The following SIVA1 variants were observed in gnomAD, a reference collection of about 807,000 sequenced individuals.
SIVA1 encodes apoptosis regulatory protein Siva.
A neutral mutation model predicts 19.7 loss-of-function variants in SIVA1; 10 were observed. That is an observed-to-expected ratio of 0.51 (90% CI 0.31 to 0.86). SIVA1 has a LOEUF of 0.86. SIVA1 is among the 40% of genes least tolerant of loss of function. SIVA1 has a pLI of 0.04. For synonymous variants in SIVA1, 130 were observed against 106.1 expected, an observed-to-expected ratio of 1.23 and a Z score of -1.39; for missense variants, 241 against 245.2, an observed-to-expected ratio of 0.98 and a Z score of 0.11.
At chr14:104,755,547 G>T in intron 1 of SIVA1, 83 bp from the exon 2 acceptor site, 1 of 1,237,414 alleles carries the variant, frequency 8.1e-7, no homozygotes, top group Non-Finnish European at 1.2e-6. Context: ...TGGGGTTCAT[G>T]TGAGGCTAGA....
At position 104,759,349 on chromosome 14, in the gene SIVA1, C is replaced by A; in HGVS notation, c.471-79C>A. On this transcript the variant is annotated intron_variant, in intron 3 of 3. Coordinates refer to ENST00000329967, the MANE Select transcript of SIVA1 (RefSeq NM_006427.4). This position sits in a 1 kb window ranked among gnomAD's most constrained non-coding sequence, Gnocchi z 4.2. ...GAGGTGTTCTGGGTTAGGACTTTGA[C>A]GTTTGAATGGTGGGGGGTGGTGGAC... is the stretch of plus-strand genomic sequence containing the variant. 3.2e-6 allele frequency: 4 copies of A among 1,231,270 alleles called. No homozygotes were observed. Among genetic ancestry groups the A allele is most frequent in the Non-Finnish European group, 4.7e-6 (4 of 854,682 alleles). 76.3% of individuals were successfully genotyped at this position (1,231,270 alleles called of 1,614,324 possible).
intron 1 of SIVA1, chr14:104,753,570 G>C: frequency 3.9e-6 from 2 of 519,044 alleles, no homozygotes; most frequent in Non-Finnish European, 6.9e-6. Context: ...CCTGCCCCTA[G>C]CCCCCGCGCC....
At position 104,759,303 on chromosome 14, in the gene SIVA1, C is replaced by A; in HGVS notation, c.471-125C>A. ...CTGATGATGCCCGCAGTGATCCTGT[C>A]TCCAGATAAGGTCATGTCCTGAGGT... On this transcript the variant is annotated intron_variant, in intron 3 of 3. Coordinates refer to ENST00000329967, the MANE Select transcript of SIVA1 (RefSeq NM_006427.4). The surrounding 1 kb of genome is among the most constrained non-coding windows in gnomAD (Gnocchi z 4.2). The A allele has an allele frequency of 1.4e-6, 1 of 730,202 alleles. No individual in the cohort carries two copies. Among genetic ancestry groups the A allele is most frequent in the Non-Finnish European group, 2.3e-6 (1 of 441,930 alleles). 45.2% of individuals were successfully genotyped at this position (730,202 alleles called of 1,614,324 possible).
rs1321880480 is a variant in SIVA1 at position 104,756,614 on chromosome 14, G to A, written c.324G>A (p.Gly108=). 1.9e-6 allele frequency: 3 copies of A among 1,614,198 alleles called. No homozygotes were observed. Among genetic ancestry groups the A allele is most frequent in the East Asian group, 2.2e-5 (1 of 44,886 alleles). The change falls in exon 3 of 4, where the codon GGG becomes GGA. Residue 108 remains glycine (G), a synonymous_variant. Coordinates refer to ENST00000329967, the MANE Select transcript of SIVA1 (RefSeq NM_006427.4). ...GTTTCTTCCTCACAGACCCATCTGG[G>A]GTAGCGTCCATTGCCTGTTCCTCAT... The part of the protein sequence containing the change: ...LGQASEADPS[G]VASIACSSCV...
chr14:104,753,258 C>T lies in SIVA1; in HGVS notation c.57C>T (p.Arg19=), dbSNP rs1196345333. The T allele has an allele frequency of 2.5e-6, 4 of 1,600,274 alleles. No individual in the cohort carries two copies. In the African/African-American group the frequency reaches 4.1e-5, roughly 16 times the overall value. ...ADVAPLQLKV[R]VSQRELSRGV... The stretch of plus-strand genomic sequence containing the variant: ...TGGCCCCGCTACAGCTCAAGGTCCG[C>T]GTGAGCCAGAGGGAGTTGAGCCGCG... Residue 19 remains arginine (R), a synonymous_variant, in exon 1 of 4, where the codon CGC becomes CGT. Coordinates refer to ENST00000329967, the MANE Select transcript of SIVA1 (RefSeq NM_006427.4).
chr14:104,755,251 C>T (rs1397139170), intron 1 of SIVA1, among the ~76,000 whole-genome samples: 1 of 152,150 alleles, frequency 6.6e-6, no homozygotes, highest in African/African-American at 2.4e-5. Flanking sequence ...GCCTGGTTTC[C>T]AGGTGGGGAG....
chr14:104,756,609 T>A lies in SIVA1; in HGVS notation c.319T>A (p.Ser107Thr). ...SLGQASEADP[S>T]GVASIACSSC... The stretch of plus-strand genomic sequence containing the variant: ...TTGGCGTTTCTTCCTCACAGACCCA[T>A]CTGGGGTAGCGTCCATTGCCTGTTC... The change falls in exon 3 of 4, where the codon TCT becomes ACT. Residue 107 changes from serine to threonine, a missense_variant. By Grantham distance (58) the Ser-to-Thr change is moderately conservative. Coordinates refer to ENST00000329967, the MANE Select transcript of SIVA1 (RefSeq NM_006427.4). 6.2e-7 allele frequency: 1 copy of A among 1,614,164 alleles called. No homozygotes were observed. The highest frequency in any genetic ancestry group is 1.1e-5 in the South Asian group (1 of 91,092).
rs1447627073 is a variant in SIVA1, at chr14:104,756,772, A to C, written c.470+12A>C. On this transcript the variant is annotated intron_variant, in intron 3 of 3. Transcript: ENST00000329967. ...TGTGGCCTCGTGGAGTAAGTACTTC[A>C]GTCCCTGGAGCTGCTGAGATCCCAT... 5 of 1,601,794 alleles carry C rather than the reference A, an allele frequency of 3.1e-6. No homozygotes were observed. The East Asian group carries it at 1.1e-4, about 36-fold the overall frequency.
chr14:104,753,220 C>G lies in SIVA1; in HGVS notation c.19C>G (p.Pro7Ala), dbSNP rs780877984. 6 of 1,580,252 alleles carry G rather than the reference C, an allele frequency of 3.8e-6. No individual in the cohort carries two copies. The highest frequency in any genetic ancestry group is 8.6e-7 in the Non-Finnish European group (1 of 1,166,062). The change falls in exon 1 of 4, where the codon CCC (proline) becomes GCC (alanine). Residue 7 changes from proline (P) to alanine (A), a missense_variant. By Grantham distance (27) the Pro-to-Ala change is conservative (BLOSUM62 -1). Coordinates refer to ENST00000329967, the MANE Select transcript of SIVA1 (RefSeq NM_006427.4). MPKRSC[P>A]FADVAPLQLK... ...CGCGGCCATGCCCAAGCGGAGCTGCCCCTTCGCGGACGTGGCCCCGCTACA... is the reference window on the plus strand; with the variant it reads ...CGCGGCCATGCCCAAGCGGAGCTGCGCCTTCGCGGACGTGGCCCCGCTACA...
intron 3 of SIVA1, chr14:104,758,831 T>C (rs1303460017): frequency 1.3e-5 from 2 of 152,382 alleles, no homozygotes; most frequent in African/African-American, 4.8e-5. Context: ...AGAAAAGCAC[T>C]GTTTGATGTG....
rs569657951 is a variant in SIVA1 at position 104,754,585 on chromosome 14, G to C, written c.119-1045G>C. 6.6e-5 allele frequency among the ~76,000 whole-genome samples: 10 copies of C among 152,356 alleles called. No homozygotes were observed. In the South Asian group the frequency reaches 2.1e-3, roughly 32 times the overall value. On this transcript the variant is annotated intron_variant, in intron 1 of 3. Coordinates refer to ENST00000329967, the MANE Select transcript of SIVA1 (RefSeq NM_006427.4). ...AGGTGTGTGCCACTCACCGGGTCAG[G>C]TCAGGGAGGTCTGCTGGGTGCAGTG...
At chr14:104,754,181 G>A (rs535759865) in intron 1 of SIVA1, among the ~76,000 whole-genome samples, 2 of 152,114 alleles carry the variant, frequency 1.3e-5, no homozygotes, top group Non-Finnish European at 2.9e-5. Flanking sequence ...AATACCCTGG[G>A]GCAGGTAAAA....
At chr14:104,753,893 G>A (rs1160308982) in intron 1 of SIVA1, 1 of 389,198 alleles carries the variant, frequency 2.6e-6, no homozygotes, top group African/African-American at 2.1e-5. Flanking sequence ...GCACAGGTTT[G>A]TGCAGGCGCA....
Position 104,759,317 on chromosome 14 carries a change from A to G in SIVA1, c.471-111A>G. 1.2e-6 allele frequency: 1 copy of G among 829,290 alleles called. No individual in the cohort carries two copies. Among genetic ancestry groups the G allele is most frequent in the Non-Finnish European group, 1.9e-6 (1 of 513,852 alleles). The allele number at this position is 829,290 out of a possible 1,614,324, so 51.4% of individuals were successfully genotyped here. A position where few individuals can be genotyped will look rare whatever the true frequency, so the allele number is the denominator to read the frequency against. On this transcript the variant is annotated intron_variant, in intron 3 of 3. Coordinates refer to ENST00000329967, the MANE Select transcript of SIVA1 (RefSeq NM_006427.4). This position sits in a 1 kb window ranked among gnomAD's most constrained non-coding sequence, Gnocchi z 4.2. ...AGTGATCCTGTCTCCAGATAAGGTCATGTCCTGAGGTGTTCTGGGTTAGGA... is the reference window on the plus strand; with the variant it reads ...AGTGATCCTGTCTCCAGATAAGGTCGTGTCCTGAGGTGTTCTGGGTTAGGA...
chr14:104,756,087 C>G (rs1241857467), intron 2 of SIVA1: 3 of 605,618 alleles, frequency 5.0e-6, no homozygotes, highest in Non-Finnish European at 9.0e-6. Flanking sequence ...CCTGCAGCCC[C>G]CTCAGATAGT....
intron 3 of SIVA1, 115 bp downstream of exon 3, chr14:104,756,875 G>A: frequency 3.4e-6 from 4 of 1,181,022 alleles, no homozygotes; most frequent in Non-Finnish European, 2.3e-6. Flanking sequence ...CCCTGATGCA[G>A]TGCCATCTGG....
intron 1 of SIVA1, chr14:104,753,752 C>T: frequency 2.2e-6 from 1 of 453,116 alleles, no homozygotes; most frequent in Non-Finnish European, 4.5e-6. Flanking sequence ...ATGGAGCGCG[C>T]GGCCCTGCCA....
chr14:104,756,067 C>G lies in SIVA1; in HGVS notation c.313+243C>G, dbSNP rs986684978. The stretch of plus-strand genomic sequence containing the variant: ...AGCAGAGACTCCCCGGGTATCCCGT[C>G]TGCTTTCCGCCTGCAGCCCCCTCAG... On this transcript the variant is annotated intron_variant, in intron 2 of 3. Transcript: ENST00000329967. 4 of 637,276 alleles carry G rather than the reference C, an allele frequency of 6.3e-6. No homozygotes were observed. The African/African-American group carries it at 7.3e-5, about 12-fold the overall frequency. 39.5% of individuals were successfully genotyped at this position (637,276 alleles called of 1,614,324 possible). A position where few individuals can be genotyped will look rare whatever the true frequency, so the allele number is the denominator to read the frequency against.
chr14:104,755,219 C>T (rs1294380048), intron 1 of SIVA1, among the ~76,000 whole-genome samples: 1 of 152,208 alleles, frequency 6.6e-6, no homozygotes, highest in Non-Finnish European at 1.5e-5. Flanking sequence ...CAGTGCAGAG[C>T]TCCCTCTGTG....
Sources: allele counts gnomAD v4.1 joint callset (sites outside exome capture counted in the v4.1 genomes callset), GRCh38; gene constraint gnomAD v4.1.1; non-coding constraint Gnocchi (gnomAD v3.1); transcripts MANE v1.5; gene names NCBI Gene and HGNC (gene_info 2026-07-23, HGNC 2026-07-21).